Variants in NFATC1 observed in about 807,000 individuals in gnomAD.
The protein encoded by NFATC1 is nuclear factor of activated T-cells, cytoplasmic 1.
NFATC1 carries 22 observed loss-of-function variants against 76.0 expected under a neutral mutation model. That is an observed-to-expected ratio of 0.29 (90% CI 0.21 to 0.41). The LOEUF is 0.41. NFATC1 is among the 10% of genes least tolerant of loss of function. NFATC1 has a pLI of 1.00. For synonymous variants in NFATC1, 704 were observed against 613.1 expected, an observed-to-expected ratio of 1.15 and a Z score of -2.19; for missense variants, 1,357 against 1,337.7, an observed-to-expected ratio of 1.01 and a Z score of -0.23.
chr18:79,494,547 G>A (rs1231725792), intron 9 of NFATC1, among the ~76,000 whole-genome samples: 11 of 113,480 alleles, frequency 9.7e-5, no homozygotes, highest in African/African-American at 3.7e-4. Flanking sequence ...GCGGGCACAC[G>A]CCCCCCATGA....
chr18:79,485,888 G>A (rs535234520), intron 8 of NFATC1, among the ~76,000 whole-genome samples: 28 of 152,230 alleles, frequency 1.8e-4, no homozygotes, highest in African/African-American at 5.1e-4. Flanking sequence ...TTATCAAACC[G>A]AGTGTCGGGA....
chr18:79,492,440 T>A (rs946109553), intron 9 of NFATC1, among the ~76,000 whole-genome samples: 2 of 151,726 alleles, frequency 1.3e-5, no homozygotes, highest in African/African-American at 4.8e-5. Flanking sequence ...CTGGGTGCAG[T>A]GGCTCAGGCC....
intron 1 of NFATC1, among the ~76,000 whole-genome samples, chr18:79,398,895 C>G (rs1303428082): frequency 6.6e-6 from 1 of 152,194 alleles, no homozygotes; most frequent in Admixed American, 6.5e-5. Context: ...GGTGAAACCC[C>G]GTCTCTACTA....
intron 8 of NFATC1, among the ~76,000 whole-genome samples, chr18:79,485,432 C>G (rs996668069): frequency 6.6e-6 from 1 of 152,256 alleles, no homozygotes; most frequent in Non-Finnish European, 1.5e-5. Flanking sequence ...TCCGCCTCGC[C>G]GCTCCTGCTG....
rs749214445 is a variant in NFATC1 at position 79,486,766 on chromosome 18, G to A, written c.2611G>A (p.Ala871Thr). 2.2e-5 allele frequency: 36 copies of A among 1,606,352 alleles called. No individual in the cohort carries two copies. In the South Asian group the frequency reaches 2.5e-4, roughly 11 times the overall value. ...LQPCSPACPPATGRPQHLPST... is the reference protein window; with the variant it reads ...LQPCSPACPPTTGRPQHLPST... ...GCCCTGCAGCCCAGCGTGCCCGCCC[G>A]CCACGGGCCGCCCGCAGCACCTGCC... Residue 871 changes from alanine (A) to threonine (T), a missense_variant, in exon 9 of 10, where the codon GCC (alanine) becomes ACC (threonine). Transcript: ENST00000427363.
chr18:79,475,058 A>G (rs2088996169), intron 8 of NFATC1, among the ~76,000 whole-genome samples: 2 of 121,636 alleles, frequency 1.6e-5, no homozygotes, highest in Non-Finnish European at 3.3e-5. Flanking sequence ...CGACGTTGTA[A>G]ACCTGAGGGA....
Position 79,484,644 on chromosome 18 carries a change from C to CA in NFATC1, c.2093-1600dup, listed in dbSNP as rs141550986. Among the ~76,000 whole-genome samples the CA allele has an allele frequency of 8.9e-4, 135 of 152,298 alleles. 2 individuals are homozygous for CA. In the East Asian group the frequency reaches 0.024, roughly 27 times the overall value. On this transcript the variant is annotated intron_variant, in intron 8 of 9. Transcript: ENST00000427363. Reference sequence around the variant, plus strand: ...AAAGTAGAGACTTGAAAAGTCAGCACAAAAGCAACAAAATGCAGCAACTCC... The same window carrying CA: ...AAAGTAGAGACTTGAAAAGTCAGCACAAAAAGCAACAAAATGCAGCAACTCC...
intron 9 of NFATC1, among the ~76,000 whole-genome samples, chr18:79,494,906 C>T (rs1333857409): frequency 4.2e-5 from 6 of 144,568 alleles, no homozygotes; most frequent in Non-Finnish European, 7.6e-5. Flanking sequence ...CTGGTACCGC[C>T]GGGGGAAAGC....
chr18:79,398,817 C>CCAGCACTTTGGG (rs1479363475), intron 1 of NFATC1, among the ~76,000 whole-genome samples: 2 of 152,246 alleles, frequency 1.3e-5, no homozygotes, highest in Non-Finnish European at 2.9e-5. Flanking sequence ...GCCTGTAATC[C>CCAGCACTTTGGG]CAGCACTTTG....
At chr18:79,409,288 A>G (rs2085563454) in intron 1 of NFATC1, among the ~76,000 whole-genome samples, 1 of 38,642 alleles carries the variant, frequency 2.6e-5, no homozygotes, top group Non-Finnish European at 8.0e-5. Flanking sequence ...ATCCATCATT[A>G]TCTATCCATC....
At chr18:79,489,074 G>A (rs1188303127) in intron 9 of NFATC1, among the ~76,000 whole-genome samples, 2 of 152,224 alleles carry the variant, frequency 1.3e-5, no homozygotes, top group Non-Finnish European at 2.9e-5. Context: ...TACCCAGCCC[G>A]TTACTGCCAA....
intron 3 of NFATC1, among the ~76,000 whole-genome samples, chr18:79,438,820 C>T (rs1419011257): frequency 2.0e-5 from 3 of 152,164 alleles, no homozygotes; most frequent in African/African-American, 4.8e-5. Flanking sequence ...GTGGGGCGGG[C>T]CCGCTGGTGC....
chr18:79,486,753 AGCGTGCC>A lies in NFATC1; in HGVS notation c.2599_2605del (p.Ala867ArgfsTer43). 1 of 1,603,550 alleles carries A rather than the reference AGCGTGCC, an allele frequency of 6.2e-7. No homozygotes were observed. On this transcript the variant is annotated frameshift_variant, in exon 9 of 10. Transcript: ENST00000427363. LOFTEE classifies it high-confidence loss of function. ...CGACCTGCCTGCAGCCCTGCAGCCC[AGCGTGCC>A]CGCCCGCCACGGGCCGCCCGCAGCA...
chr18:79,482,147 G>C (rs2089299011), intron 8 of NFATC1, among the ~76,000 whole-genome samples: 1 of 150,104 alleles, frequency 6.7e-6, no homozygotes. Flanking sequence ...TCGTTCCTGG[G>C]GTGTAATTCC....
At chr18:79,469,227 G>T (rs1011638382) in intron 8 of NFATC1, 1 of 617,220 alleles carries the variant, frequency 1.6e-6, no homozygotes, top group Non-Finnish European at 2.0e-6. Context: ...TTCAAGCATG[G>T]TTGACCAGAA....
chr18:79,418,891 T>C (rs1371906814), intron 2 of NFATC1, among the ~76,000 whole-genome samples: 2 of 152,170 alleles, frequency 1.3e-5, no homozygotes, highest in African/African-American at 2.4e-5. Flanking sequence ...CTGTGCGTTC[T>C]CCCAGGCGTG....
chr18:79,478,397 G>T (rs963762516), intron 8 of NFATC1, among the ~76,000 whole-genome samples: 2 of 152,082 alleles, frequency 1.3e-5, no homozygotes, highest in East Asian at 1.9e-4. Context: ...GATGTGGTCC[G>T]GGCCATTAAG....
chr18:79,515,575 C>CTA (rs907431134), intron 9 of NFATC1, among the ~76,000 whole-genome samples: 2 of 151,958 alleles, frequency 1.3e-5, no homozygotes, highest in Non-Finnish European at 2.9e-5. Context: ...CCTCCTGCTG[C>CTA]TACACACTTC....
Position 79,465,737 on chromosome 18 carries a change from C to G in NFATC1, c.1960-1713C>G, listed in dbSNP as rs1284907195. Among the ~76,000 whole-genome samples, 3 of 152,252 alleles carry G rather than the reference C, an allele frequency of 2.0e-5. No homozygotes were observed. Among genetic ancestry groups the G allele is most frequent in the Non-Finnish European group, 4.4e-5 (3 of 68,050 alleles). On this transcript the variant is annotated intron_variant, in intron 7 of 9. Transcript: ENST00000427363. This position sits in a 1 kb window ranked among gnomAD's most constrained non-coding sequence, Gnocchi z 4.2. ...TAGCTGCTGACTCCATCGCAGCTGC[C>G]CTGAGCACTGCTGAATTCAGAAAAC...
Sources: allele counts gnomAD v4.1 joint callset (sites outside exome capture counted in the v4.1 genomes callset), GRCh38; gene constraint gnomAD v4.1.1; non-coding constraint Gnocchi (gnomAD v3.1); transcripts MANE v1.5; gene names NCBI Gene and HGNC (gene_info 2026-07-23, HGNC 2026-07-21).